The following MYH9 variants were observed in gnomAD, a reference collection of about 807,000 sequenced individuals.
The protein encoded by MYH9 is myosin-9.
MYH9 carries 29 observed loss-of-function variants against 241.9 expected under a neutral mutation model. The ratio of observed to expected loss-of-function variants is 0.12; its 90% CI spans 0.09 to 0.16. MYH9 has a LOEUF of 0.16. MYH9 is among the 10% of genes least tolerant of loss of function. The probability of loss-of-function intolerance (pLI) is 1.00; values close to 1 mark genes in which losing one functional copy is unlikely to be tolerated. For missense variants in MYH9, 1,803 were observed against 2,595.5 expected, an observed-to-expected ratio of 0.69 and a Z score of 6.63; for synonymous variants, 1,047 against 1,062.6, an observed-to-expected ratio of 0.99 and a Z score of 0.29.
rs79162245 is a variant in MYH9 at position 36,329,436 on chromosome 22, C to T, written c.491-1948G>A. The stretch of plus-strand genomic sequence containing the variant: ...TGGCCCCTAACGACAGTGTGGCAAC[C>T]GATAAGGGTTTGGAACAAACATTTT... On this transcript the variant is annotated intron_variant, in intron 3 of 40. Transcript: ENST00000216181. The surrounding 1 kb of genome is among the most constrained non-coding windows in gnomAD (Gnocchi z 4.1). Among the ~76,000 whole-genome samples the T allele has an allele frequency of 7.2e-3, 1,101 of 152,218 alleles. 9 individuals are homozygous for T. Among genetic ancestry groups the T allele is most frequent in the African/African-American group, 0.023 (974 of 41,518 alleles).
intron 1 of MYH9, among the ~76,000 whole-genome samples, chr22:36,369,402 A>C (rs2018058371): frequency 6.6e-6 from 1 of 152,240 alleles, no homozygotes; most frequent in African/African-American, 2.4e-5. Flanking sequence ...GCCCTGGCAA[A>C]GGCAGGAAAC....
At chr22:36,369,825 G>A (rs962672959) in intron 1 of MYH9, among the ~76,000 whole-genome samples, 5 of 152,158 alleles carry the variant, frequency 3.3e-5, no homozygotes, top group South Asian at 2.1e-4. Flanking sequence ...AGCTGGGAGA[G>A]GATTTTAGAT....
Position 36,305,419 on chromosome 22 carries a change from T to C in MYH9, c.2160-317A>G, listed in dbSNP as rs542097827. ...CTCATCTGTCACCCAGGGACAGCCA[T>C]GTTCACACAGCTTCCCTGGGACGCT... On this transcript the variant is annotated intron_variant, in intron 17 of 40. Transcript: ENST00000216181. The surrounding 1 kb of genome is among the most constrained non-coding windows in gnomAD (Gnocchi z 4.7). Among the ~76,000 whole-genome samples the C allele has an allele frequency of 3.3e-5, 5 of 152,286 alleles. No individual in the cohort carries two copies. The highest frequency in any genetic ancestry group is 7.2e-5 in the African/African-American group (3 of 41,552).
At chr22:36,359,064 C>A (rs1481949500) in intron 1 of MYH9, among the ~76,000 whole-genome samples, 2 of 152,318 alleles carry the variant, frequency 1.3e-5, no homozygotes, top group East Asian at 1.9e-4. Flanking sequence ...TAGGAACCCT[C>A]TCTGAGATCA....
intron 35 of MYH9, among the ~76,000 whole-genome samples, chr22:36,286,377 G>A (rs192890604): frequency 6.6e-6 from 1 of 152,256 alleles, no homozygotes; most frequent in East Asian, 1.9e-4. Flanking sequence ...TCCAGACCTG[G>A]GAAACACTTC....
At chr22:36,335,958 G>A (rs980631788) in intron 3 of MYH9, among the ~76,000 whole-genome samples, 8 of 152,348 alleles carry the variant, frequency 5.3e-5, no homozygotes, top group Middle Eastern at 3.4e-3. Flanking sequence ...GTCAGACACC[G>A]AGGGGCATGT....
Position 36,300,658 on chromosome 22 carries a change from T to C in MYH9, c.2838+193A>G, listed in dbSNP as rs1172688578. ...TTGATGCTGGCCCAGGCAGTGCTCA[T>C]GGAGATCTCAGATGCACATGTCACA... On this transcript the variant is annotated intron_variant, in intron 22 of 40. Transcript: ENST00000216181. The surrounding 1 kb of genome is among the most constrained non-coding windows in gnomAD (Gnocchi z 5.0). Among the ~76,000 whole-genome samples, 1 of 152,184 alleles carries C rather than the reference T, an allele frequency of 6.6e-6. No homozygotes were observed. Among genetic ancestry groups the C allele is most frequent in the Non-Finnish European group, 1.5e-5 (1 of 68,042 alleles).
At chr22:36,379,517 A>T (rs2018222724) in intron 1 of MYH9, among the ~76,000 whole-genome samples, 2 of 152,326 alleles carry the variant, frequency 1.3e-5, no homozygotes, top group South Asian at 4.1e-4. Context: ...TCAGAAAAAT[A>T]AAAAGTTGTA....
intron 1 of MYH9, among the ~76,000 whole-genome samples, chr22:36,359,455 G>C (rs1034927716): frequency 4.6e-5 from 7 of 152,340 alleles, no homozygotes; most frequent in Admixed American, 2.0e-4. Context: ...ACACGCGTAA[G>C]GGTTATAGCC....
At chr22:36,297,281 C>T (rs1180682015) in intron 24 of MYH9, 1 of 514,242 alleles carries the variant, frequency 1.9e-6, no homozygotes, top group Non-Finnish European at 3.5e-6. Flanking sequence ...TTTGTAATTC[C>T]CTTGGTTCCC....
At position 36,285,820 on chromosome 22, in the gene MYH9, G is replaced by C; in HGVS notation, c.5151-39C>G. On this transcript the variant is annotated intron_variant, in intron 36 of 40. Coordinates refer to ENST00000216181, the MANE Select transcript of MYH9 (RefSeq NM_002473.6). This position sits in a 1 kb window ranked among gnomAD's most constrained non-coding sequence, Gnocchi z 7.0. The stretch of plus-strand genomic sequence containing the variant: ...GGGAGAAGTGAGGGGCCTACCCTGG[G>C]GACACACCTGGTCCCCCCCAACTCT... 1 of 1,613,264 alleles carries C rather than the reference G, an allele frequency of 6.2e-7. No homozygotes were observed. Among genetic ancestry groups the C allele is most frequent in the Non-Finnish European group, 8.5e-7 (1 of 1,179,854 alleles).
intron 7 of MYH9, 43 bp downstream of exon 7, chr22:36,321,715 C>CCTCCGG (rs1161276884): frequency 6.4e-7 from 1 of 1,574,776 alleles, no homozygotes. Context: ...TCATGCCTCC[C>CCTCCGG]CTCCGGATCC....
rs2016587180 is a variant in MYH9 at position 36,286,663 on chromosome 22, TGCCACCTGCTGGCC to T, written c.5061+41_5061+54del. 2.4e-5 allele frequency: 39 copies of T among 1,605,412 alleles called. No individual in the cohort carries two copies. In the South Asian group the frequency reaches 4.1e-4, roughly 17 times the overall value. Reference sequence around the variant, plus strand: ...CTGTCCTCAGCTGAAAGCCCCACGCTGCCACCTGCTGGCCGCAGGGCAGCGGTGCCGCTCTCCAT... The same window carrying T: ...CTGTCCTCAGCTGAAAGCCCCACGCTGCAGGGCAGCGGTGCCGCTCTCCAT... On this transcript the variant is annotated intron_variant, in intron 35 of 40. Coordinates refer to ENST00000216181, the MANE Select transcript of MYH9 (RefSeq NM_002473.6).
chr22:36,319,213 A>T (rs1014413308), intron 10 of MYH9, among the ~76,000 whole-genome samples: 5 of 152,150 alleles, frequency 3.3e-5, no homozygotes, highest in African/African-American at 1.2e-4. Context: ...TAATTTCAAG[A>T]TCTCGACATA....
chr22:36,315,317 A>G (rs8141971), intron 12 of MYH9, among the ~76,000 whole-genome samples: 79,828 of 151,996 alleles, frequency 0.53, 23,720 homozygotes, highest in Non-Finnish European at 0.68. Context: ...GTTAGTAAAA[A>G]ATAAAGATGT....
Position 36,293,491 on chromosome 22 carries a change from G to A in MYH9, c.3943-10C>T. On this transcript the variant is annotated splice_polypyrimidine_tract_variant and intron_variant, in intron 29 of 40. Coordinates refer to ENST00000216181, the MANE Select transcript of MYH9 (RefSeq NM_002473.6). The surrounding 1 kb of genome is among the most constrained non-coding windows in gnomAD (Gnocchi z 5.1). ...CCTCCTGCAGCAGCTCCTACTCGCGGGTTGAGAGGGGTGCGGGTGCTTAGG... is the reference window on the plus strand; with the variant it reads ...CCTCCTGCAGCAGCTCCTACTCGCGAGTTGAGAGGGGTGCGGGTGCTTAGG... 1 of 1,612,460 alleles carries A rather than the reference G, an allele frequency of 6.2e-7. No homozygotes were observed. The highest frequency in any genetic ancestry group is 1.7e-5 in the Admixed American group (1 of 60,022).
chr22:36,317,713 G>A lies in MYH9; in HGVS notation c.1227+494C>T, dbSNP rs555699535. ...ACTGGGCGGGACCTCCACTCCAGGG[G>A]CAGGCAGGCACATCAGTCTGGCAGG... is the stretch of plus-strand genomic sequence containing the variant. On this transcript the variant is annotated intron_variant, in intron 11 of 40. Coordinates refer to ENST00000216181, the MANE Select transcript of MYH9 (RefSeq NM_002473.6). 3.1e-4 allele frequency among the ~76,000 whole-genome samples: 47 copies of A among 152,342 alleles called. 1 individual carries two copies. In the South Asian group the frequency reaches 9.1e-3, roughly 30 times the overall value.
chr22:36,348,848 C>T lies in MYH9; in HGVS notation c.333+56G>A, dbSNP rs1009418393. ...AGGGTGATGGGAAGACCCGCCCCCC[C>T]CCCCCACCTCGGAGCCCTCAGACCC... On this transcript the variant is annotated intron_variant, in intron 2 of 40. Coordinates refer to ENST00000216181, the MANE Select transcript of MYH9 (RefSeq NM_002473.6). 3.8e-5 allele frequency: 37 copies of T among 971,792 alleles called. 8 individuals carry two copies. The highest frequency in any genetic ancestry group is 2.4e-4 in the East Asian group (4 of 16,906). 60.2% of individuals were successfully genotyped at this position (971,792 alleles called of 1,614,324 possible).
At chr22:36,292,464 C>A (rs1373910461) in intron 30 of MYH9, among the ~76,000 whole-genome samples, 2 of 152,194 alleles carry the variant, frequency 1.3e-5, no homozygotes, top group Non-Finnish European at 2.9e-5. Flanking sequence ...GGAGGCTGAC[C>A]CCCAGGCCCG....
Sources: allele counts gnomAD v4.1 joint callset (sites outside exome capture counted in the v4.1 genomes callset), GRCh38; gene constraint gnomAD v4.1.1; non-coding constraint Gnocchi (gnomAD v3.1); transcripts MANE v1.5; gene names NCBI Gene and HGNC (gene_info 2026-07-23, HGNC 2026-07-21).